Variants in PPARGC1A observed in about 807,000 individuals in gnomAD.
The protein encoded by PPARGC1A is peroxisome proliferator-activated receptor gamma coactivator 1-alpha.
A neutral mutation model predicts 88.7 loss-of-function variants in PPARGC1A; 25 were observed. That is an observed-to-expected ratio of 0.28 (90% confidence interval 0.21 to 0.39). The LOEUF (loss-of-function observed/expected upper bound fraction) is 0.39, where lower values mean the gene tolerates loss of function less well. Ranked by LOEUF, PPARGC1A falls within the 10% of genes least tolerant of loss-of-function variation. The probability of loss-of-function intolerance (pLI) is 1.00; values close to 1 mark genes in which losing one functional copy is unlikely to be tolerated. For synonymous variants in PPARGC1A, 363 were observed against 355.6 expected (o/e 1.02, Z -0.24); for missense variants, 880 against 968.7 (o/e 0.91, Z 1.22).
the PPARGC1A span, among the ~76,000 whole-genome samples, chr4:24,360,767 C>G: frequency 3.9e-5 from 6 of 152,250 alleles, no homozygotes; most frequent in Non-Finnish European, 5.9e-5. Flanking sequence ...TAGCATCTAA[C>G]CCATAGGTAA....
intron 7 of PPARGC1A, 60 bp downstream of exon 7, chr4:23,824,220 T>C (rs1218261800): frequency 7.2e-7 from 1 of 1,381,030 alleles, no homozygotes. Flanking sequence ...GTTATCTTAT[T>C]ACACACACAC....
Position 23,813,179 on chromosome 4 carries a change from G to A in PPARGC1A, c.1794-54C>T. 3 of 1,466,080 alleles carry A rather than the reference G, an allele frequency of 2.0e-6. No individual in the cohort carries two copies. The South Asian group carries it at 3.4e-5, about 17-fold the overall frequency. 90.8% of individuals were successfully genotyped at this position (1,466,080 alleles called of 1,614,324 possible). On this transcript the variant is annotated intron_variant, in intron 8 of 12. Coordinates refer to ENST00000264867, the MANE Select transcript of PPARGC1A (RefSeq NM_013261.5). ...CATTTGCAACTGCCACTTAACCCAA[G>A]TTTATCGGCACTGTGGAGCATCCTC...
At chr4:24,018,133 G>T in the PPARGC1A span, among the ~76,000 whole-genome samples, 1 of 152,056 alleles carries the variant, frequency 6.6e-6, no homozygotes, top group African/African-American at 2.4e-5. Flanking sequence ...CACTCCTGAG[G>T]TATGAATATA....
the PPARGC1A span, among the ~76,000 whole-genome samples, chr4:23,927,254 T>C: frequency 6.6e-6 from 1 of 152,312 alleles, no homozygotes; most frequent in African/African-American, 2.4e-5. Context: ...TGAAGTATGG[T>C]TTCTACTGAA....
At chr4:24,118,914 AT>A in the PPARGC1A span, among the ~76,000 whole-genome samples, 414 of 152,306 alleles carry the variant, frequency 2.7e-3, 4 homozygotes, top group East Asian at 0.05. Flanking sequence ...TGAAAAAAAA[AT>A]GTCAATGCAA....
chr4:24,206,823 G>T, the PPARGC1A span, among the ~76,000 whole-genome samples: 1 of 133,866 alleles, frequency 7.5e-6, no homozygotes, highest in South Asian at 2.4e-4. Flanking sequence ...TCTGGGTGAC[G>T]GAGAAAGACT....
chr4:23,872,194 G>C lies in PPARGC1A; in HGVS notation c.234+12558C>G, dbSNP rs184753750. Among the ~76,000 whole-genome samples, 48 of 152,188 alleles carry C rather than the reference G, an allele frequency of 3.2e-4. 2 individuals are homozygous for C. The highest frequency in any genetic ancestry group is 3.4e-3 in the Middle Eastern group (1 of 294). On this transcript the variant is annotated intron_variant, in intron 2 of 12. Coordinates refer to ENST00000264867, the MANE Select transcript of PPARGC1A (RefSeq NM_013261.5). ...AACAGACCTAAAATGGTACCAAACA[G>C]TTCTCATCCATAGAAGCCCCACCAA...
chr4:24,195,921 C>T, the PPARGC1A span, among the ~76,000 whole-genome samples: 1 of 152,178 alleles, frequency 6.6e-6, no homozygotes, highest in African/African-American at 2.4e-5. Flanking sequence ...GCATCAAGGG[C>T]CACAAGAGAA....
the PPARGC1A span, among the ~76,000 whole-genome samples, chr4:24,032,280 G>A: frequency 6.6e-6 from 1 of 152,068 alleles, no homozygotes; most frequent in Non-Finnish European, 1.5e-5. Flanking sequence ...ATAAATGAGG[G>A]GCACAAGTGT....
At chr4:24,059,422 C>T in the PPARGC1A span, among the ~76,000 whole-genome samples, 1 of 152,202 alleles carries the variant, frequency 6.6e-6, no homozygotes, top group Non-Finnish European at 1.5e-5. Context: ...GTCCCCATAA[C>T]AAGCCCAAGC....
At chr4:23,881,965 A>G (rs1246142561) in intron 2 of PPARGC1A, 1 of 152,208 alleles carries the variant, frequency 6.6e-6, no homozygotes, top group Non-Finnish European at 1.5e-5. Flanking sequence ...AACCTTCTTC[A>G]CAGGGAAGAC....
chr4:24,186,687 C>G, the PPARGC1A span, among the ~76,000 whole-genome samples: 1 of 152,000 alleles, frequency 6.6e-6, no homozygotes, highest in African/African-American at 2.4e-5. Flanking sequence ...TTTTGAGTAC[C>G]CATTGGAGCC....
the PPARGC1A span, among the ~76,000 whole-genome samples, chr4:24,224,145 G>A: frequency 1.3e-5 from 2 of 152,144 alleles, no homozygotes; most frequent in Non-Finnish European, 2.9e-5. Flanking sequence ...CACACCCTGG[G>A]GGCTGCAGTG....
At chr4:23,859,780 CAAAATAAAATAAAATAAAAT>C (rs66852812) in intron 2 of PPARGC1A, among the ~76,000 whole-genome samples, 27,259 of 118,414 alleles carry the variant, frequency 0.23, 3,567 homozygotes, top group Middle Eastern at 0.34. Flanking sequence ...GACACCGTCT[CAAAATAAAATAAAATAAAAT>C]AAAATAAAAT....
the PPARGC1A span, among the ~76,000 whole-genome samples, chr4:24,049,308 G>GTATATATA: frequency 8.1e-3 from 1,124 of 139,518 alleles, 7 homozygotes; most frequent in African/African-American, 0.02. Flanking sequence ...ATATATGTGT[G>GTATATATA]TATATATATA....
intron 2 of PPARGC1A, among the ~76,000 whole-genome samples, chr4:23,856,240 C>A (rs537870778): frequency 6.6e-6 from 1 of 152,168 alleles, no homozygotes; most frequent in Non-Finnish European, 1.5e-5. Context: ...AAATGCCAAA[C>A]GCTGAACTTT....
chr4:23,829,063 G>T (rs1050586558), intron 4 of PPARGC1A, among the ~76,000 whole-genome samples: 9 of 152,172 alleles, frequency 5.9e-5, no homozygotes, highest in African/African-American at 2.2e-4. Flanking sequence ...CCAATTAATG[G>T]CAGAGATAGA....
the PPARGC1A span, among the ~76,000 whole-genome samples, chr4:24,153,264 A>C: frequency 6.6e-6 from 1 of 152,182 alleles, no homozygotes; most frequent in African/African-American, 2.4e-5. Flanking sequence ...TTGAATTTGC[A>C]CCAAACACTG....
At chr4:24,183,320 C>A in the PPARGC1A span, among the ~76,000 whole-genome samples, 1 of 152,166 alleles carries the variant, frequency 6.6e-6, no homozygotes, top group Admixed American at 6.5e-5. Flanking sequence ...GCACAGGGTA[C>A]TCACTAAGTT....
Sources: gnomAD v4.1 joint callset for allele counts (sites outside exome capture counted in the v4.1 genomes callset) on GRCh38, gnomAD v4.1.1 for gene constraint, MANE v1.5 for transcripts, NCBI Gene and HGNC (gene_info 2026-07-23, HGNC 2026-07-21) for gene names.